The following YLPM1 variants were observed in gnomAD, a reference collection of about 807,000 sequenced individuals.
YLPM1 encodes YLP motif containing 1.
In YLPM1, 99 loss-of-function variants were observed where a neutral mutation model predicts 230.0. The ratio of observed to expected loss-of-function variants is 0.43; its 90% CI spans 0.37 to 0.51. The LOEUF (loss-of-function observed/expected upper bound fraction) is 0.51, where lower values mean the gene tolerates loss of function less well. Among genes scored for constraint, YLPM1 ranks in the 20% least tolerant of loss-of-function variants. The pLI, the probability that YLPM1 is intolerant of heterozygous loss-of-function variation, is 0.00. For synonymous variants in YLPM1, 984 were observed against 942.5 expected, an observed-to-expected ratio of 1.04 and a Z score of -0.81; for missense variants, 2,592 against 2,707.7, an observed-to-expected ratio of 0.96 and a Z score of 0.95.
chr14:74,820,439 G>A (rs1382334601), intron 16 of YLPM1, among the ~76,000 whole-genome samples: 1 of 151,884 alleles, frequency 6.6e-6, no homozygotes, highest in African/African-American at 2.4e-5. Flanking sequence ...TTAGAGATGG[G>A]GTCTCACTAT....
chr14:74,781,219 CTT>C (rs1341424187), intron 3 of YLPM1, 113 bp from the exon 4 acceptor site: 1 of 1,173,314 alleles, frequency 8.5e-7, no homozygotes, highest in East Asian at 2.6e-5. Context: ...CTCCCAAAGT[CTT>C]TAGTGTTCTA....
At chr14:74,817,698 CT>C (rs1169938438) in intron 15 of YLPM1, among the ~76,000 whole-genome samples, 1 of 151,838 alleles carries the variant, frequency 6.6e-6, no homozygotes, top group Non-Finnish European at 1.5e-5. Context: ...TTCATAATAA[CT>C]TTCCTATCTG....
chr14:74,808,800 G>A lies in YLPM1; in HGVS notation c.4522-580G>A, dbSNP rs866527184. On this transcript the variant is annotated intron_variant, in intron 6 of 20. Transcript: ENST00000325680. ...GCCTGAGCAACAAGAGTGAAACTCCGTCTCAAAAAAAAAAAAAAAAAATTG... is the reference window on the plus strand; with the variant it reads ...GCCTGAGCAACAAGAGTGAAACTCCATCTCAAAAAAAAAAAAAAAAAATTG... Among the ~76,000 whole-genome samples, 191 of 106,590 alleles carry A rather than the reference G, an allele frequency of 1.8e-3. 1 individual carries two copies. Among genetic ancestry groups the A allele is most frequent in the African/African-American group, 7.1e-3 (187 of 26,258 alleles). 69.9% of individuals were successfully genotyped at this position (106,590 alleles called of 152,430 possible).
intron 4 of YLPM1, 23 bp downstream of exon 4, chr14:74,782,348 T>C: frequency 4.7e-6 from 7 of 1,490,818 alleles, no homozygotes; most frequent in Non-Finnish European, 6.2e-6. Context: ...TTTTTTCTCT[T>C]TTTTTTTGGT....
At chr14:74,817,362 G>T in intron 15 of YLPM1, 85 bp downstream of exon 15, 1 of 1,166,090 alleles carries the variant, frequency 8.6e-7, no homozygotes, top group South Asian at 1.5e-5. Flanking sequence ...CATATATGGT[G>T]GTCCCATAAG....
chr14:74,770,221 C>T (rs974584505), intron 1 of YLPM1, among the ~76,000 whole-genome samples: 2 of 151,006 alleles, frequency 1.3e-5, no homozygotes, highest in Non-Finnish European at 2.9e-5. Context: ...TGTTGCATGC[C>T]TGTAGTGCCG....
rs763475892 is a variant in YLPM1, at chr14:74,816,189, C to G, written c.5503-14C>G. 1.3e-6 allele frequency: 2 copies of G among 1,513,096 alleles called. No individual in the cohort carries two copies. Among genetic ancestry groups the G allele is most frequent in the Admixed American group, 2.1e-5 (1 of 46,828 alleles). 93.7% of individuals were successfully genotyped at this position (1,513,096 alleles called of 1,614,324 possible). ...TCAGTGATTTTTTTTTTTTTTTGGT[C>G]TATTCTGTTTCAGATTGTTGTTATA... On this transcript the variant is annotated splice_polypyrimidine_tract_variant and intron_variant, in intron 11 of 20. Coordinates refer to ENST00000325680, the MANE Select transcript of YLPM1 (RefSeq NM_019589.3).
intron 4 of YLPM1, among the ~76,000 whole-genome samples, chr14:74,794,861 A>G (rs1420968233): frequency 6.6e-6 from 1 of 152,210 alleles, no homozygotes; most frequent in Non-Finnish European, 1.5e-5. Context: ...TGCAATGGTC[A>G]TGTGGTCATA....
intron 20 of YLPM1, 35 bp downstream of exon 20, chr14:74,835,482 G>C (rs1443233601): frequency 7.7e-6 from 12 of 1,556,244 alleles, no homozygotes; most frequent in Non-Finnish European, 8.7e-6. Context: ...AGCCTACTGT[G>C]TGGTTGCTTC....
chr14:74,829,088 T>A (rs1205490677), intron 18 of YLPM1, 125 bp from the exon 19 acceptor site: 1 of 1,086,308 alleles, frequency 9.2e-7, no homozygotes, highest in African/African-American at 1.6e-5. Context: ...GATCTGCAAG[T>A]GATGCTGCAC....
At chr14:74,816,351 A>T (rs1384719156) in intron 12 of YLPM1, 86 bp downstream of exon 12, 1 of 1,407,582 alleles carries the variant, frequency 7.1e-7, no homozygotes, top group African/African-American at 1.4e-5. Context: ...AAGCAACATA[A>T]TGCCAATAGA....
Position 74,778,453 on chromosome 14 carries a change from C to A in YLPM1, c.880C>A (p.Gln294Lys), listed in dbSNP as rs1364139180. The change falls in exon 2 of 21, where the codon CAG (glutamine) becomes AAG (lysine). Residue 294 changes from glutamine to lysine, a missense_variant. Transcript: ENST00000325680. Reference sequence around the variant, plus strand: ...AAAATTGTTTCTGTTGTAGGAACAGCAGCAGTATTGGTATCGACAGCACTT... The same window carrying A: ...AAAATTGTTTCTGTTGTAGGAACAGAAGCAGTATTGGTATCGACAGCACTT... ...DPSTMTPQEQ[Q>K]QYWYRQHLLS... The A allele has an allele frequency of 1.4e-5, 23 of 1,598,552 alleles. No homozygotes were observed. The highest frequency in any genetic ancestry group is 1.9e-5 in the Non-Finnish European group (22 of 1,172,584).
chr14:74,799,762 T>A (rs1251061530), intron 5 of YLPM1, 65 bp downstream of exon 5: 58 of 1,472,768 alleles, frequency 3.9e-5, no homozygotes, highest in Non-Finnish European at 3.8e-5. Context: ...CTTTTTAAAG[T>A]GATATGATAT....
intron 4 of YLPM1, among the ~76,000 whole-genome samples, chr14:74,797,008 G>A (rs1215749175): frequency 9.6e-6 from 1 of 103,790 alleles, no homozygotes; most frequent in African/African-American, 3.8e-5. Context: ...TCTCACTCTT[G>A]TCACCCAGTC....
chr14:74,808,011 C>T lies in YLPM1; in HGVS notation c.4522-1369C>T, dbSNP rs78123570. 4.1e-3 allele frequency among the ~76,000 whole-genome samples: 630 copies of T among 152,004 alleles called. 2 individuals are homozygous for T. The highest frequency in any genetic ancestry group is 0.01 in the Middle Eastern group (3 of 294). ...TAAAATTTTGAATTACTGGTGGGAC[C>T]CCACCTACAGAAGTTCAGTAGATTT... On this transcript the variant is annotated intron_variant, in intron 6 of 20. Transcript: ENST00000325680.
Position 74,778,547 on chromosome 14 carries a change from A to T in YLPM1, c.974A>T (p.Asp325Val), listed in dbSNP as rs1241908318. ...AAAAAGGGTCCTGTGGTAGCAAAGG[A>T]TACACCAGAGCCGGTAAAAGAAGAA... is the stretch of plus-strand genomic sequence containing the variant. ...GHKKGPVVAK[D>V]TPEPVKEEVT... Residue 325 changes from aspartate (D) to valine (V), a missense_variant, in exon 2 of 21, where the codon GAT becomes GTT. Physicochemically the swap from Asp to Val is radical, Grantham distance 152 (BLOSUM62 -3). Around this residue, in one of 4 missense-constraint regions of YLPM1, gnomAD observed 1,862 missense variants for 1,819.8 expected, o/e 1.02. Transcript: ENST00000325680. 3.7e-6 allele frequency: 6 copies of T among 1,607,570 alleles called. No homozygotes were observed. Among genetic ancestry groups the T allele is most frequent in the African/African-American group, 1.3e-5 (1 of 74,760 alleles).
chr14:74,818,202 A>C, intron 15 of YLPM1, 29 bp from the exon 16 acceptor site: 1 of 1,552,210 alleles, frequency 6.4e-7, no homozygotes, highest in Non-Finnish European at 8.7e-7. Context: ...GTTTCTAGAG[A>C]TAACTCAACC....
intron 2 of YLPM1, among the ~76,000 whole-genome samples, chr14:74,779,634 A>C (rs2091073811): frequency 7.7e-6 from 1 of 130,224 alleles, no homozygotes; most frequent in African/African-American, 3.0e-5. Context: ...CTATAACTTA[A>C]GGTTCACTTT....
chr14:74,773,213 G>C (rs891844147), intron 1 of YLPM1, among the ~76,000 whole-genome samples: 13 of 152,150 alleles, frequency 8.5e-5, no homozygotes, highest in Non-Finnish European at 7.4e-5. Context: ...GCGTGAACTC[G>C]GGAGGCGGAG....
Sources: gnomAD v4.1 joint callset for allele counts (sites outside exome capture counted in the v4.1 genomes callset) on GRCh38, gnomAD v4.1.1 for gene constraint, gnomAD v4.1.1 regional missense constraint, MANE v1.5 for transcripts, NCBI Gene and HGNC (gene_info 2026-07-23, HGNC 2026-07-21) for gene names.